VPS13B: variants seen among roughly 807,000 people sequenced by gnomAD.
The protein encoded by VPS13B is vacuolar protein sorting 13 homolog B, also known as intermembrane lipid transfer protein VPS13B.
Under a neutral mutation model 426.4 loss-of-function variants are expected in VPS13B, and 285 were observed. That is an observed-to-expected ratio of 0.67 (90% CI 0.61 to 0.74). The LOEUF is 0.74. Among genes scored for constraint, VPS13B ranks in the 30% least tolerant of loss-of-function variants. The pLI, the probability that VPS13B is intolerant of heterozygous loss-of-function variation, is 0.00. For missense variants in VPS13B, 4,537 were observed against 4,782.6 expected, an observed-to-expected ratio of 0.95 and a Z score of 1.51; for synonymous variants, 1,676 against 1,676.4, an observed-to-expected ratio of 1.00 and a Z score of 0.01.
Position 99,853,833 on chromosome 8 carries a change from A to G in VPS13B, c.10444A>G (p.Ile3482Val), listed in dbSNP as rs1196019519. The change falls in exon 56 of 62, where the codon ATC becomes GTC. Residue 3482 changes from isoleucine to valine, a missense_variant. By Grantham distance (29) the Ile-to-Val change is conservative. Coordinates refer to ENST00000357162, the MANE Select transcript of VPS13B (RefSeq NM_152564.5). ...YKEKCFIKLC[I>V]TLNEGKSILC... ...GGAAAAATGTTTTATCAAACTTTGC[A>G]TCACCTTAAATGAAGGCAAGAGCAT... The G allele has an allele frequency of 3.7e-6, 6 of 1,614,276 alleles. No homozygotes were observed. Among genetic ancestry groups the G allele is most frequent in the Non-Finnish European group, 5.1e-6 (6 of 1,180,042 alleles).
intron 2 of VPS13B, among the ~76,000 whole-genome samples, chr8:99,037,194 T>C (rs557628322): frequency 6.6e-6 from 1 of 152,182 alleles, no homozygotes; most frequent in Non-Finnish European, 1.5e-5. Context: ...AATACTGTGA[T>C]AATGACAAAT....
intron 40 of VPS13B, among the ~76,000 whole-genome samples, chr8:99,770,357 T>C (rs1338608149): frequency 1.4e-5 from 2 of 141,444 alleles, no homozygotes; most frequent in African/African-American, 5.1e-5. Flanking sequence ...CTGGTCATGC[T>C]ATCCATTTCA....
At chr8:99,834,554 T>TG (rs397932671) in intron 52 of VPS13B, among the ~76,000 whole-genome samples, 1 of 152,074 alleles carries the variant, frequency 6.6e-6, no homozygotes, top group Non-Finnish European at 1.5e-5. Context: ...TTATTTTTTT[T>TG]GATACAGGGT....
chr8:99,129,914 G>A (rs1809687368), intron 8 of VPS13B, among the ~76,000 whole-genome samples: 1 of 152,130 alleles, frequency 6.6e-6, no homozygotes, highest in South Asian at 2.1e-4. Flanking sequence ...TACTCCGGAA[G>A]CTGAAGTGGG....
At chr8:99,663,844 G>C (rs1391378158) in intron 35 of VPS13B, among the ~76,000 whole-genome samples, 1 of 152,118 alleles carries the variant, frequency 6.6e-6, no homozygotes, top group East Asian at 1.9e-4. Context: ...ACATTTGATT[G>C]ATTTGTTTGT....
At chr8:99,689,160 C>T (rs1443022347) in intron 35 of VPS13B, among the ~76,000 whole-genome samples, 2 of 151,944 alleles carry the variant, frequency 1.3e-5, no homozygotes, top group East Asian at 3.9e-4. Flanking sequence ...ATATAGATAG[C>T]AGAAATGTCT....
chr8:99,100,961 T>G (rs1258951940), intron 4 of VPS13B, among the ~76,000 whole-genome samples: 1 of 151,864 alleles, frequency 6.6e-6, no homozygotes, highest in Non-Finnish European at 1.5e-5. Context: ...GGAGAATCAC[T>G]TGAACCCGGG....
At chr8:99,502,073 C>T (rs1438737867) in intron 26 of VPS13B, among the ~76,000 whole-genome samples, 1 of 152,064 alleles carries the variant, frequency 6.6e-6, no homozygotes, top group Admixed American at 6.6e-5. Flanking sequence ...CAACCTCTTC[C>T]TTCTGGGTTC....
intron 19 of VPS13B, among the ~76,000 whole-genome samples, chr8:99,383,966 A>G (rs1813978392): frequency 6.6e-6 from 1 of 152,182 alleles, no homozygotes; most frequent in Non-Finnish European, 1.5e-5. Context: ...CGGTGCCCAC[A>G]TTTCCTCAAA....
chr8:99,405,521 C>T (rs1815273741), intron 21 of VPS13B, among the ~76,000 whole-genome samples: 1 of 152,098 alleles, frequency 6.6e-6, no homozygotes, highest in South Asian at 2.1e-4. Flanking sequence ...ATTATATTAT[C>T]CTCTGATCTC....
Position 99,809,361 on chromosome 8 carries a change from G to T in VPS13B, c.7942-14G>T. 1 of 1,613,800 alleles carries T rather than the reference G, an allele frequency of 6.2e-7. No homozygotes were observed. The highest frequency in any genetic ancestry group is 8.5e-7 in the Non-Finnish European group (1 of 1,179,878). On this transcript the variant is annotated splice_polypyrimidine_tract_variant and intron_variant, in intron 43 of 61. Transcript: ENST00000357162. ...CACGTTTGGCATTATGACGATTATT[G>T]TTTTTTTCTCCAGCTGTTACACATC...
intron 19 of VPS13B, among the ~76,000 whole-genome samples, chr8:99,309,580 T>C (rs190597612): frequency 4.1e-4 from 63 of 152,376 alleles, no homozygotes; most frequent in African/African-American, 1.4e-3. Flanking sequence ...TTTTGGTTAC[T>C]ATAGCCTTCT....
intron 17 of VPS13B, among the ~76,000 whole-genome samples, chr8:99,267,449 G>T (rs1031366371): frequency 6.6e-6 from 1 of 152,086 alleles, no homozygotes; most frequent in African/African-American, 2.4e-5. Flanking sequence ...GAAAAACCCG[G>T]CTGGACACGA....
At chr8:99,318,537 T>G (rs188644579) in intron 19 of VPS13B, among the ~76,000 whole-genome samples, 4 of 152,302 alleles carry the variant, frequency 2.6e-5, no homozygotes, top group Admixed American at 2.6e-4. Context: ...TTTTTATTTT[T>G]GGGATGGAGT....
At chr8:99,288,468 TTA>T in intron 19 of VPS13B, among the ~76,000 whole-genome samples, 1 of 152,048 alleles carries the variant, frequency 6.6e-6, no homozygotes, top group East Asian at 1.9e-4. Context: ...CACTTAATTC[TTA>T]TATAACCTTT....
chr8:99,193,967 T>C (rs1220505487), intron 17 of VPS13B, among the ~76,000 whole-genome samples: 3 of 152,192 alleles, frequency 2.0e-5, no homozygotes, highest in Non-Finnish European at 4.4e-5. Context: ...ATGAAATTCA[T>C]TTACATTTCA....
At chr8:99,203,441 G>T (rs1246278257) in intron 17 of VPS13B, among the ~76,000 whole-genome samples, 1 of 152,144 alleles carries the variant, frequency 6.6e-6, no homozygotes, top group Non-Finnish European at 1.5e-5. Flanking sequence ...CATTCCCTTT[G>T]AAAACTGGCA....
At chr8:99,804,926 G>A (rs986674176) in intron 43 of VPS13B, among the ~76,000 whole-genome samples, 4 of 152,036 alleles carry the variant, frequency 2.6e-5, no homozygotes, top group African/African-American at 9.7e-5. Flanking sequence ...TGAGGGGTCA[G>A]GATTTCAAGG....
chr8:99,049,562 A>G (rs990218334), intron 3 of VPS13B, among the ~76,000 whole-genome samples: 3 of 149,250 alleles, frequency 2.0e-5, no homozygotes, highest in Admixed American at 6.6e-5. Flanking sequence ...TTTTTTCTTT[A>G]ATAGGTTACC....
Sources: allele counts gnomAD v4.1 joint callset (sites outside exome capture counted in the v4.1 genomes callset), GRCh38; gene constraint gnomAD v4.1.1; transcripts MANE v1.5; gene names NCBI Gene and HGNC (gene_info 2026-07-23, HGNC 2026-07-21).